Variants in MAP3K19 observed in about 807,000 individuals in gnomAD.
MAP3K19 encodes the protein mitogen-activated protein kinase kinase kinase 19.
MAP3K19 carries 91 observed loss-of-function variants against 114.4 expected under a neutral mutation model. The observed-to-expected ratio is 0.80, with a 90% CI of 0.67 to 0.95. MAP3K19 has a LOEUF of 0.95. Ranked by LOEUF, MAP3K19 falls within the 40% of genes least tolerant of loss-of-function variation. The pLI, the probability that MAP3K19 is intolerant of heterozygous loss-of-function variation, is 0.00. For synonymous variants in MAP3K19, 518 were observed against 530.5 expected, an observed-to-expected ratio of 0.98 and a Z score of 0.32; for missense variants, 1,471 against 1,573.2, an observed-to-expected ratio of 0.94 and a Z score of 1.10.
intron 6 of MAP3K19, among the ~76,000 whole-genome samples, chr2:135,001,869 A>G (rs1479833181): frequency 6.6e-6 from 1 of 152,278 alleles, no homozygotes; most frequent in Non-Finnish European, 1.5e-5. Context: ...AAACAAAGAT[A>G]TAACAAGCAC....
intron 1 of MAP3K19, among the ~76,000 whole-genome samples, chr2:135,045,732 T>C (rs965089530): frequency 1.3e-5 from 2 of 152,192 alleles, no homozygotes; most frequent in East Asian, 3.9e-4. Flanking sequence ...AAAATTTAGA[T>C]TTAACTAAAC....
rs1685095943 is a variant in MAP3K19, at chr2:134,986,273, A to G, written c.2599T>C (p.Tyr867His). The change falls in exon 10 of 13, where the codon TAT becomes CAT. Residue 867 changes from tyrosine (Y) to histidine (H), a missense_variant. Coordinates refer to ENST00000392915, the MANE Select transcript of MAP3K19 (RefSeq NM_025052.5). The stretch of plus-strand genomic sequence containing the variant: ...GTATTCTGCTTTTCTTGCTGTACAT[A>G]CTTGTTAGAATTCTTCTCACTGGGC... ...AVPSEKNSNK[Y>H]VQQEKQNTAS... 6.2e-7 allele frequency: 1 copy of G among 1,614,054 alleles called. No homozygotes were observed.
At chr2:135,035,427 T>TA (rs1418441984) in intron 2 of MAP3K19, among the ~76,000 whole-genome samples, 1 of 151,802 alleles carries the variant, frequency 6.6e-6, no homozygotes. Flanking sequence ...CAAAAAACAA[T>TA]AAAAAAGGAA....
chr2:135,002,759 G>T (rs970157307), intron 6 of MAP3K19, among the ~76,000 whole-genome samples: 1 of 152,126 alleles, frequency 6.6e-6, no homozygotes, highest in Non-Finnish European at 1.5e-5. Flanking sequence ...GAGGGAGGGG[G>T]TTCTTACATT....
At chr2:135,035,150 A>G (rs1172823381) in intron 2 of MAP3K19, among the ~76,000 whole-genome samples, 1 of 151,870 alleles carries the variant, frequency 6.6e-6, no homozygotes, top group Non-Finnish European at 1.5e-5. Flanking sequence ...TAATCCCAGC[A>G]CTTTGGGAGG....
intron 3 of MAP3K19, among the ~76,000 whole-genome samples, chr2:135,028,411 G>T (rs1177727004): frequency 2.6e-5 from 4 of 151,958 alleles, no homozygotes; most frequent in Non-Finnish European, 4.4e-5. Context: ...CAAAAAATTA[G>T]CCAGGCATGG....
chr2:134,987,636 A>G lies in MAP3K19; in HGVS notation c.1236T>C (p.Asn412=). The change falls in exon 10 of 13, where the codon AAT becomes AAC. Residue 412 remains asparagine (N), a synonymous_variant. Coordinates refer to ENST00000392915, the MANE Select transcript of MAP3K19 (RefSeq NM_025052.5). ...ITPSQDEEMR[N]NKAASKRVSL... is the part of the protein sequence containing the mutation. ...AAACTCTTTTTGAAGCAGCTTTATT[A>G]TTTCTCATCTCTTCATCCTGGCTTG... The G allele has an allele frequency of 6.2e-7, 1 of 1,613,934 alleles. No homozygotes were observed. Among genetic ancestry groups the G allele is most frequent in the Non-Finnish European group, 8.5e-7 (1 of 1,179,980 alleles).
chr2:134,973,170 C>G (rs1683991271), intron 12 of MAP3K19, among the ~76,000 whole-genome samples: 1 of 152,052 alleles, frequency 6.6e-6, no homozygotes, highest in Non-Finnish European at 1.5e-5. Context: ...AATTTAAATC[C>G]AGGTTTCTCT....
At chr2:135,021,289 T>C (rs983416907) in intron 5 of MAP3K19, among the ~76,000 whole-genome samples, 3 of 152,180 alleles carry the variant, frequency 2.0e-5, no homozygotes, top group African/African-American at 4.8e-5. Context: ...TAGCTCTCTG[T>C]CCATCAAGTG....
intron 12 of MAP3K19, among the ~76,000 whole-genome samples, chr2:134,968,683 G>A (rs943731421): frequency 1.8e-4 from 28 of 151,420 alleles, no homozygotes; most frequent in Middle Eastern, 3.5e-3. Context: ...GGTCGCGGCC[G>A]GGCAGAGGCG....
intron 12 of MAP3K19, 78 bp downstream of exon 12, chr2:134,980,743 C>T (rs1684571531): frequency 7.6e-7 from 1 of 1,314,346 alleles, no homozygotes; most frequent in African/African-American, 1.5e-5. Context: ...TTTTAATGGG[C>T]CATAAATTGA....
At chr2:134,981,556 T>C (rs1684661064) in intron 11 of MAP3K19, 38 bp from the exon 12 acceptor site, 1 of 1,471,910 alleles carries the variant, frequency 6.8e-7, no homozygotes, top group Non-Finnish European at 9.3e-7. Context: ...ATTAAATTAA[T>C]GACATAACTT....
intron 1 of MAP3K19, among the ~76,000 whole-genome samples, chr2:135,041,657 G>A (rs975071655): frequency 2.0e-5 from 3 of 152,122 alleles, no homozygotes; most frequent in African/African-American, 7.2e-5. Flanking sequence ...GTAACAGCAC[G>A]ACATCCTTTG....
At chr2:134,990,709 T>C (rs1414969821) in intron 9 of MAP3K19, among the ~76,000 whole-genome samples, 1 of 152,090 alleles carries the variant, frequency 6.6e-6, no homozygotes, top group East Asian at 1.9e-4. Flanking sequence ...TCTCTTATCC[T>C]CGTGAACCAC....
chr2:134,993,330 C>A (rs976726438), intron 8 of MAP3K19, among the ~76,000 whole-genome samples: 5 of 152,252 alleles, frequency 3.3e-5, no homozygotes, highest in Non-Finnish European at 5.9e-5. Flanking sequence ...AAACAAGTCA[C>A]CTAAGAAGAG....
At chr2:134,980,160 C>T (rs1017502226) in intron 12 of MAP3K19, among the ~76,000 whole-genome samples, 1 of 152,166 alleles carries the variant, frequency 6.6e-6, no homozygotes, top group Admixed American at 6.5e-5. Flanking sequence ...AACTCTTCCC[C>T]GCCCCATGGA....
At chr2:134,993,384 A>G (rs1421083555) in intron 8 of MAP3K19, among the ~76,000 whole-genome samples, 1 of 152,248 alleles carries the variant, frequency 6.6e-6, no homozygotes, top group African/African-American at 2.4e-5. Flanking sequence ...TTCCCCTTGG[A>G]CACAGCTGGC....
chr2:135,011,270 GCTCACGC>G (rs749762592), intron 5 of MAP3K19, among the ~76,000 whole-genome samples: 16 of 152,132 alleles, frequency 1.1e-4, no homozygotes, highest in Non-Finnish European at 1.9e-4. Context: ...AGGCGCGGTG[GCTCACGC>G]CTGTTATCCC....
chr2:134,981,618 C>T, intron 11 of MAP3K19, 100 bp from the exon 12 acceptor site: 1 of 913,696 alleles, frequency 1.1e-6, no homozygotes, highest in Non-Finnish European at 1.7e-6. Context: ...TTTCTAAACC[C>T]TTGTCTTTCT....
Sources: allele counts gnomAD v4.1 joint callset (sites outside exome capture counted in the v4.1 genomes callset), GRCh38; gene constraint gnomAD v4.1.1; transcripts MANE v1.5; gene names NCBI Gene and HGNC (gene_info 2026-07-23, HGNC 2026-07-21).